Variants in NEBL observed in about 807,000 individuals in gnomAD.
NEBL encodes nebulette, also known as LIM and SH3 protein 2.
NEBL carries 122 observed loss-of-function variants against 140.2 expected under a neutral mutation model. The observed-to-expected ratio is 0.87, with a 90% CI of 0.75 to 1.01. NEBL has a LOEUF of 1.01. NEBL is among the 50% of genes least tolerant of loss of function. The pLI, the probability that NEBL is intolerant of heterozygous loss-of-function variation, is 0.00. For synonymous variants in NEBL, 436 were observed against 398.9 expected, an observed-to-expected ratio of 1.09 and a Z score of -1.11; for missense variants, 1,365 against 1,231.3, an observed-to-expected ratio of 1.11 and a Z score of -1.62.
At chr10:21,215,422 C>T (rs1841977771) in intron 3 of NEBL, among the ~76,000 whole-genome samples, 1 of 152,206 alleles carries the variant, frequency 6.6e-6, no homozygotes, top group Non-Finnish European at 1.5e-5. Context: ...GGAGGATTCT[C>T]TGTAGCATCT....
At chr10:21,084,392 A>T (rs1156867707) in intron 2 of NEBL, among the ~76,000 whole-genome samples, 1 of 152,196 alleles carries the variant, frequency 6.6e-6, no homozygotes, top group Non-Finnish European at 1.5e-5. Flanking sequence ...CACTGAGTAG[A>T]TACTCAATAA....
At chr10:21,222,670 A>G (rs1355015129) in intron 3 of NEBL, among the ~76,000 whole-genome samples, 1 of 152,228 alleles carries the variant, frequency 6.6e-6, no homozygotes, top group Non-Finnish European at 1.5e-5. Flanking sequence ...CAGGCATACA[A>G]TGTGTAATAA....
intron 2 of NEBL, among the ~76,000 whole-genome samples, chr10:21,147,374 C>T (rs56861971): frequency 0.063 from 9,507 of 150,846 alleles, 857 homozygotes; most frequent in African/African-American, 0.2. Flanking sequence ...TGGAATTCTT[C>T]TCTGACCCTG....
intron 2 of NEBL, among the ~76,000 whole-genome samples, chr10:21,081,841 C>T (rs975628521): frequency 3.9e-5 from 6 of 152,210 alleles, no homozygotes; most frequent in Non-Finnish European, 8.8e-5. Flanking sequence ...AGGTGTGGAA[C>T]AACTTAAGGA....
chr10:21,272,146 T>A (rs1014143940), intron 1 of NEBL, among the ~76,000 whole-genome samples: 1 of 140,026 alleles, frequency 7.1e-6, no homozygotes, highest in Non-Finnish European at 1.5e-5. Flanking sequence ...TTTTTTTTTT[T>A]AGTAGAGACG....
chr10:21,236,648 C>T (rs7094627), intron 3 of NEBL, among the ~76,000 whole-genome samples: 5,871 of 152,162 alleles, frequency 0.039, 174 homozygotes, highest in South Asian at 0.14. Flanking sequence ...TGTGCCAGGC[C>T]ACTCACCTAC....
intron 2 of NEBL, among the ~76,000 whole-genome samples, chr10:21,089,548 C>T (rs987303892): frequency 1.1e-4 from 16 of 151,830 alleles, no homozygotes; most frequent in African/African-American, 3.6e-4. Context: ...GCAGAGAGAC[C>T]GAGAAGGAGG....
At chr10:21,076,640 C>T (rs141658187) in intron 2 of NEBL, among the ~76,000 whole-genome samples, 201 of 152,100 alleles carry the variant, frequency 1.3e-3, no homozygotes, top group African/African-American at 4.7e-3. Context: ...AATCAGAAAA[C>T]AGAATGTGAT....
rs144259337 is a variant in NEBL at position 21,242,738 on chromosome 10, G to A, written n.348+5183C>T. The stretch of plus-strand genomic sequence containing the variant: ...AGTTTGTATTTACAAAGTACTGGAA[G>A]CATTTCAATATACCCAGTGGCTAAA... On this transcript the variant is annotated intron_variant and non_coding_transcript_variant, in intron 3 of 8. Transcript: ENST00000675702. 2.0e-5 allele frequency among the ~76,000 whole-genome samples: 3 copies of A among 152,306 alleles called. No individual in the cohort carries two copies. In the East Asian group the frequency reaches 5.8e-4, roughly 29 times the overall value.
chr10:20,992,990 A>G (rs1356370585), intron 3 of NEBL, among the ~76,000 whole-genome samples: 4 of 151,504 alleles, frequency 2.6e-5, no homozygotes, highest in Admixed American at 6.6e-5. Context: ...TCACTGTGTT[A>G]GCCAGGATGG....
intron 3 of NEBL, among the ~76,000 whole-genome samples, chr10:21,001,886 T>C (rs1048103498): frequency 6.6e-6 from 1 of 152,206 alleles, no homozygotes; most frequent in Non-Finnish European, 1.5e-5. Context: ...CCACACCATA[T>C]ATAAGCAAAA....
intron 26 of NEBL, among the ~76,000 whole-genome samples, chr10:20,792,189 T>C (rs1245031768): frequency 6.6e-6 from 1 of 150,464 alleles, no homozygotes; most frequent in Non-Finnish European, 1.5e-5. Flanking sequence ...ATAGATGTAA[T>C]GTGAAAAGAG....
chr10:20,964,804 TGA>T (rs1167209505), intron 3 of NEBL, among the ~76,000 whole-genome samples: 1 of 152,094 alleles, frequency 6.6e-6, no homozygotes, highest in Non-Finnish European at 1.5e-5. Context: ...AAAGAGTGAT[TGA>T]GAGAGAGTCC....
chr10:21,038,251 T>C (rs1834099035), intron 2 of NEBL, among the ~76,000 whole-genome samples: 1 of 152,202 alleles, frequency 6.6e-6, no homozygotes, highest in Non-Finnish European at 1.5e-5. Context: ...CATGCAGGTT[T>C]GTTACATAGG....
Position 20,786,018 on chromosome 10 carries a change from T to C in NEBL, c.2869-95A>G, listed in dbSNP as rs1564322537. The C allele has an allele frequency of 1.9e-5, 23 of 1,211,040 alleles. No homozygotes were observed. The South Asian group carries it at 2.9e-4, about 15-fold the overall frequency. The allele number at this position is 1,211,040 out of a possible 1,614,324, so 75.0% of individuals were successfully genotyped here. ...CACCGACCCACACATAAAGTAACTA[T>C]TAGGAATGTTTTCAAACACATGTAT... is the stretch of plus-strand genomic sequence containing the variant. On this transcript the variant is annotated intron_variant, in intron 27 of 27. Coordinates refer to ENST00000377122, the MANE Select transcript of NEBL (RefSeq NM_006393.3).
chr10:21,130,604 T>C (rs1170437185), intron 2 of NEBL, among the ~76,000 whole-genome samples: 4 of 152,066 alleles, frequency 2.6e-5, no homozygotes, highest in Non-Finnish European at 5.9e-5. Context: ...TCCTGAAATA[T>C]ATGGAGAATT....
At chr10:20,922,806 G>C (rs770391917) in intron 4 of NEBL, among the ~76,000 whole-genome samples, 3 of 152,008 alleles carry the variant, frequency 2.0e-5, no homozygotes, top group Non-Finnish European at 4.4e-5. Context: ...AATTATAATT[G>C]GTCCTTCAGA....
intron 1 of NEBL, among the ~76,000 whole-genome samples, chr10:21,288,851 A>AT (rs1337610393): frequency 0.011 from 369 of 32,132 alleles, 6 homozygotes; most frequent in African/African-American, 0.035. Context: ...TATATATATA[A>AT]AAATTTTTTT....
chr10:21,003,767 T>C, intron 3 of NEBL, among the ~76,000 whole-genome samples: 1 of 152,242 alleles, frequency 6.6e-6, no homozygotes, highest in East Asian at 1.9e-4. Flanking sequence ...AATTGTCATA[T>C]AATTCTGCTT....
Sources: allele counts gnomAD v4.1 joint callset (sites outside exome capture counted in the v4.1 genomes callset), GRCh38; gene constraint gnomAD v4.1.1; transcripts MANE v1.5; gene names NCBI Gene and HGNC (gene_info 2026-07-23, HGNC 2026-07-21).